The following CSMD1 variants were observed in gnomAD, a reference collection of about 807,000 sequenced individuals.
CSMD1 encodes CUB and Sushi multiple domains 1, also known as CUB and sushi domain-containing protein 1.
A neutral mutation model predicts 417.5 loss-of-function variants in CSMD1; 213 were observed. The observed-to-expected ratio is 0.51, with a 90% CI of 0.46 to 0.57. The LOEUF is 0.57. Among genes scored for constraint, CSMD1 ranks in the 20% least tolerant of loss-of-function variants. The probability of loss-of-function intolerance (pLI) is 0.00; values close to 1 mark genes in which losing one functional copy is unlikely to be tolerated. For synonymous variants in CSMD1, 2,862 were observed against 1,736.8 expected (o/e 1.65, Z -16.11); for missense variants, 6,923 against 4,529.7 (o/e 1.53, Z -15.17).
At chr8:4,662,657 C>T (rs7465653) in intron 1 of CSMD1, among the ~76,000 whole-genome samples, 5,834 of 152,294 alleles carry the variant, frequency 0.038, 152 homozygotes, top group East Asian at 0.12. Context: ...CTTTCAGCCG[C>T]CACTTCGTTT....
chr8:3,000,908 T>C (rs575022370), intron 52 of CSMD1, among the ~76,000 whole-genome samples: 10 of 152,220 alleles, frequency 6.6e-5, no homozygotes, highest in East Asian at 5.8e-4. Flanking sequence ...AAACATGGCA[T>C]TGAAAGAGCT....
At chr8:4,222,434 G>A (rs1376942251) in intron 3 of CSMD1, among the ~76,000 whole-genome samples, 1 of 150,360 alleles carries the variant, frequency 6.7e-6, no homozygotes, top group South Asian at 2.1e-4. Context: ...GTAAAGTGAG[G>A]TCTTTGTGCA....
intron 5 of CSMD1, among the ~76,000 whole-genome samples, chr8:3,833,421 C>T (rs1802483577): frequency 6.6e-6 from 1 of 151,966 alleles, no homozygotes; most frequent in Non-Finnish European, 1.5e-5. Context: ...TTAATTTTGC[C>T]ATATTTTATA....
chr8:4,859,831 C>A (rs552208035), intron 1 of CSMD1, among the ~76,000 whole-genome samples: 3 of 152,088 alleles, frequency 2.0e-5, no homozygotes, highest in Non-Finnish European at 4.4e-5. Context: ...ACTAGTTCAA[C>A]CATTGTGGAA....
At chr8:3,492,317 C>A (rs1282120866) in intron 11 of CSMD1, among the ~76,000 whole-genome samples, 2 of 152,150 alleles carry the variant, frequency 1.3e-5, no homozygotes, top group African/African-American at 2.4e-5. Context: ...TCAGAAGCCG[C>A]CCATGGCTCC....
At chr8:3,121,375 A>G (rs186029117) in intron 41 of CSMD1, among the ~76,000 whole-genome samples, 1 of 152,278 alleles carries the variant, frequency 6.6e-6, no homozygotes, top group Non-Finnish European at 1.5e-5. Flanking sequence ...ATGATTGAGA[A>G]CAAGAAAAAT....
At chr8:3,780,390 T>G (rs1799111195) in intron 5 of CSMD1, among the ~76,000 whole-genome samples, 1 of 152,184 alleles carries the variant, frequency 6.6e-6, no homozygotes, top group Non-Finnish European at 1.5e-5. Flanking sequence ...GGTCCTTAAT[T>G]ATCGCCTTTT....
At chr8:4,704,420 G>A (rs1243536860) in intron 1 of CSMD1, among the ~76,000 whole-genome samples, 7 of 152,200 alleles carry the variant, frequency 4.6e-5, no homozygotes, top group African/African-American at 9.6e-5. Flanking sequence ...TTTATGTGGT[G>A]TCTGGCAGAG....
intron 7 of CSMD1, among the ~76,000 whole-genome samples, chr8:3,677,287 C>T (rs951809113): frequency 2.6e-5 from 4 of 152,092 alleles, no homozygotes; most frequent in Non-Finnish European, 5.9e-5. Context: ...AGTTATGGTT[C>T]CAACTAATGA....
chr8:4,469,101 G>C (rs1585128534), intron 2 of CSMD1, among the ~76,000 whole-genome samples: 1 of 152,178 alleles, frequency 6.6e-6, no homozygotes, highest in South Asian at 2.1e-4. Flanking sequence ...TGTTTGAAGA[G>C]TTTGGTGTGG....
At chr8:3,638,622 C>A (rs1319416085) in intron 7 of CSMD1, among the ~76,000 whole-genome samples, 1 of 152,116 alleles carries the variant, frequency 6.6e-6, no homozygotes, top group Non-Finnish European at 1.5e-5. Flanking sequence ...CCTGCCCAGT[C>A]ATGTGGAGGA....
chr8:3,091,115 T>C (rs1814913871), intron 48 of CSMD1, among the ~76,000 whole-genome samples: 1 of 152,028 alleles, frequency 6.6e-6, no homozygotes, highest in South Asian at 2.1e-4. Flanking sequence ...TGCAGATAGA[T>C]ACAAAAACAT....
At chr8:2,996,473 G>T (rs1181907359) in intron 54 of CSMD1, among the ~76,000 whole-genome samples, 2 of 152,216 alleles carry the variant, frequency 1.3e-5, no homozygotes, top group Non-Finnish European at 2.9e-5. Context: ...CGATTGTGAG[G>T]AGCTGAGGGC....
chr8:3,574,971 C>A lies in CSMD1; in HGVS notation c.1318G>T (p.Val440Phe). The change falls in exon 10 of 70, where the codon GTC becomes TTC. Residue 440 changes from valine (V) to phenylalanine (F), a missense_variant. Val to Phe is a conservative substitution (Grantham distance 50). Coordinates refer to ENST00000635120, the MANE Select transcript of CSMD1 (RefSeq NM_033225.6). ...TTGTCCGGGTCGGTGGTGGTGATGA[C>A]CCACACACAGTGTGCATTATCTTCA... ...QYEDNAHCVW[V>F]ITTTDPDKVI... 1 of 1,612,740 alleles carries A rather than the reference C, an allele frequency of 6.2e-7. No individual in the cohort carries two copies. The highest frequency in any genetic ancestry group is 1.1e-5 in the South Asian group (1 of 91,014).
chr8:3,870,995 A>G (rs1456641031), intron 5 of CSMD1, among the ~76,000 whole-genome samples: 1 of 151,064 alleles, frequency 6.6e-6, no homozygotes, highest in Non-Finnish European at 1.5e-5. Context: ...TTTCTCATTC[A>G]ATGTGTTATA....
intron 3 of CSMD1, among the ~76,000 whole-genome samples, chr8:4,197,204 G>T (rs1036456142): frequency 6.6e-6 from 1 of 152,172 alleles, no homozygotes; most frequent in Admixed American, 6.5e-5. Context: ...GCATTTTCCA[G>T]TAAGAGCATC....
intron 2 of CSMD1, among the ~76,000 whole-genome samples, chr8:4,455,806 C>G (rs543438614): frequency 1.4e-3 from 219 of 151,054 alleles, no homozygotes; most frequent in African/African-American, 5.0e-3. Context: ...TGGCATGTGC[C>G]TGGAATCCCA....
chr8:4,392,736 G>A (rs1484860748), intron 3 of CSMD1, among the ~76,000 whole-genome samples: 1 of 151,756 alleles, frequency 6.6e-6, no homozygotes, highest in Non-Finnish European at 1.5e-5. Flanking sequence ...TTGGGAGGCT[G>A]AGGCGGGCGG....
At chr8:3,928,088 A>T (rs1002417275) in intron 5 of CSMD1, among the ~76,000 whole-genome samples, 1 of 152,184 alleles carries the variant, frequency 6.6e-6, no homozygotes, top group Non-Finnish European at 1.5e-5. Flanking sequence ...GCCTGAGTTT[A>T]TGAAAGTATA....
Sources: gnomAD v4.1 joint callset for allele counts (sites outside exome capture counted in the v4.1 genomes callset) on GRCh38, gnomAD v4.1.1 for gene constraint, MANE v1.5 for transcripts, NCBI Gene and HGNC (gene_info 2026-07-23, HGNC 2026-07-21) for gene names.